Variants in PCDHGB7 observed in about 807,000 individuals in gnomAD.
The protein encoded by PCDHGB7 is protocadherin gamma subfamily B, 7.
PCDHGB7 carries 37 observed loss-of-function variants against 61.4 expected under a neutral mutation model. The ratio of observed to expected loss-of-function variants is 0.60; its 90% confidence interval spans 0.46 to 0.79. The LOEUF (loss-of-function observed/expected upper bound fraction) is 0.79, where lower values mean the gene tolerates loss of function less well. Among genes scored for constraint, PCDHGB7 ranks in the 30% least tolerant of loss-of-function variants. The pLI is 0.00. For synonymous variants in PCDHGB7, 464 were observed against 503.5 expected (o/e 0.92, Z 1.05); for missense variants, 1,166 against 1,202.5 (o/e 0.97, Z 0.45).
rs2096372901 is a variant in PCDHGB7, at chr5:141,419,386, G to A, written c.1527G>A (p.Ala509=). 1 of 1,613,650 alleles carries A rather than the reference G, an allele frequency of 6.2e-7. No individual in the cohort carries two copies. The highest frequency in any genetic ancestry group is 8.5e-7 in the Non-Finnish European group (1 of 1,179,898). ...RTLSSYVSVS[A]QSGVVFAQRA... Reference sequence around the variant, plus strand: ...TGTCGTCCTACGTGTCCGTGAGCGCGCAGAGCGGGGTGGTGTTCGCGCAGC... The same window carrying A: ...TGTCGTCCTACGTGTCCGTGAGCGCACAGAGCGGGGTGGTGTTCGCGCAGC... The change falls in exon 1 of 4, where the codon GCG becomes GCA. Residue 509 remains alanine, a synonymous_variant. Transcript: ENST00000398594.
At chr5:141,428,305 G>A (rs751498223) in intron 1 of PCDHGB7, 8 of 694,348 alleles carry the variant, frequency 1.2e-5, no homozygotes, top group African/African-American at 1.8e-5. Flanking sequence ...GATTTACCTG[G>A]TCGTGGCCTT....
chr5:141,432,281 A>C lies in PCDHGB7; in HGVS notation c.2415+12007A>C, dbSNP rs1313887209. 1 of 1,614,188 alleles carries C rather than the reference A, an allele frequency of 6.2e-7. No individual in the cohort carries two copies. The highest frequency in any genetic ancestry group is 1.1e-5 in the South Asian group (1 of 91,084). On this transcript the variant is annotated intron_variant, in intron 1 of 3. Coordinates refer to ENST00000398594, the MANE Select transcript of PCDHGB7 (RefSeq NM_018927.4). The surrounding 1 kb of genome is among the most constrained non-coding windows in gnomAD (Gnocchi z 6.0). The stretch of plus-strand genomic sequence containing the variant: ...AAGCCTATCGTCCTACGTGTCCATC[A>C]ACTCCGACACTGGGGTACTGTATGC...
At chr5:141,508,903 G>A (rs1410291297) in intron 3 of PCDHGB7, among the ~76,000 whole-genome samples, 1 of 152,086 alleles carries the variant, frequency 6.6e-6, no homozygotes, top group East Asian at 1.9e-4. Flanking sequence ...GGGCGGGGCG[G>A]TGGCGGATCT....
At chr5:141,459,885 C>A (rs1333668105) in intron 1 of PCDHGB7, among the ~76,000 whole-genome samples, 1 of 152,106 alleles carries the variant, frequency 6.6e-6, no homozygotes, top group East Asian at 1.9e-4. Flanking sequence ...CTGAGCTGAA[C>A]GCCTTCTTAA....
At chr5:141,422,465 G>A in intron 1 of PCDHGB7, 1 of 1,613,508 alleles carries the variant, frequency 6.2e-7, no homozygotes, top group Non-Finnish European at 8.5e-7. Flanking sequence ...GTGCTGGACA[G>A]GGAGTTGGTC....
intron 1 of PCDHGB7, chr5:141,427,830 C>T (rs749612858): frequency 7.8e-6 from 12 of 1,538,204 alleles, no homozygotes; most frequent in African/African-American, 1.4e-5. Flanking sequence ...GGTCGCGCAG[C>T]GTGCCTTCGA....
Position 141,490,325 on chromosome 5 carries a change from G to A in PCDHGB7, c.2416-4482G>A. 1 of 1,614,236 alleles carries A rather than the reference G, an allele frequency of 6.2e-7. No individual in the cohort carries two copies. Among genetic ancestry groups the A allele is most frequent in the Non-Finnish European group, 8.5e-7 (1 of 1,180,038 alleles). On this transcript the variant is annotated intron_variant, in intron 1 of 3. Transcript: ENST00000398594. This position sits in a 1 kb window ranked among gnomAD's most constrained non-coding sequence, Gnocchi z 5.4. ...TCTTTGGCCAACCCTGTCCTAGAGA[G>A]CACACCAGTGGGCACAGTAGTGGGG...
chr5:141,500,367 C>A (rs953610460), intron 2 of PCDHGB7, among the ~76,000 whole-genome samples: 7 of 151,940 alleles, frequency 4.6e-5, no homozygotes, highest in African/African-American at 1.7e-4. Context: ...CACTACCACG[C>A]CCGGCTAATT....
At chr5:141,423,169 C>G (rs747206648) in intron 1 of PCDHGB7, 2 of 1,613,460 alleles carry the variant, frequency 1.2e-6, no homozygotes, top group Admixed American at 3.3e-5. Context: ...GGTGGCCGTC[C>G]AGGACCACGG....
intron 1 of PCDHGB7, among the ~76,000 whole-genome samples, chr5:141,464,557 C>A (rs1342964264): frequency 6.6e-6 from 1 of 152,132 alleles, no homozygotes; most frequent in Non-Finnish European, 1.5e-5. Context: ...CCCCATCTTG[C>A]ATTCCTACAA....
At chr5:141,427,972 C>T (rs1368719718) in intron 1 of PCDHGB7, 1 of 1,593,948 alleles carries the variant, frequency 6.3e-7, no homozygotes, top group South Asian at 1.1e-5. Flanking sequence ...GTGCTGTACC[C>T]CGCGCTGGGG....
At chr5:141,421,305 G>A in intron 1 of PCDHGB7, 23 of 1,613,652 alleles carry the variant, frequency 1.4e-5, no homozygotes, top group Non-Finnish European at 1.9e-5. Context: ...CGCTGCGGGG[G>A]TTCCGGGCCA....
chr5:141,502,487 C>A (rs563658817), intron 2 of PCDHGB7, among the ~76,000 whole-genome samples: 1 of 152,182 alleles, frequency 6.6e-6, no homozygotes, highest in Non-Finnish European at 1.5e-5. Context: ...CACACTGGGA[C>A]TCATCTAACG....
intron 1 of PCDHGB7, among the ~76,000 whole-genome samples, chr5:141,438,619 TATATATATATATATATAC>T (rs1380852637): frequency 0.021 from 829 of 39,644 alleles, 15 homozygotes; most frequent in East Asian, 0.054. Context: ...TATATATATA[TATATATATATATATATAC>T]ACACACACAC....
At position 141,486,778 on chromosome 5, in the gene PCDHGB7, G is replaced by A. The variant is rs750169906; in HGVS notation, c.2416-8029G>A. The A allele has an allele frequency of 1.2e-6, 2 of 1,614,104 alleles. No individual in the cohort carries two copies. Among genetic ancestry groups the A allele is most frequent in the Admixed American group, 1.7e-5 (1 of 60,006 alleles). ...AAACCCAGACACTGCAGTTTGAGGT[G>A]CAGGCCCGGGATCGGGGCAACCCAC... is the stretch of plus-strand genomic sequence containing the variant. On this transcript the variant is annotated intron_variant, in intron 1 of 3. Coordinates refer to ENST00000398594, the MANE Select transcript of PCDHGB7 (RefSeq NM_018927.4). This position sits in a 1 kb window ranked among gnomAD's most constrained non-coding sequence, Gnocchi z 5.0.
intron 1 of PCDHGB7, among the ~76,000 whole-genome samples, chr5:141,463,861 A>G (rs1308802167): frequency 1.3e-5 from 2 of 152,340 alleles, no homozygotes; most frequent in East Asian, 1.9e-4. Context: ...ATCTGGTTTC[A>G]CATGACTGAA....
Position 141,420,103 on chromosome 5 carries a change from G to C in PCDHGB7, c.2244G>C (p.Leu748Phe), listed in dbSNP as rs754672450. The C allele has an allele frequency of 4.3e-6, 7 of 1,613,990 alleles. No homozygotes were observed. Among genetic ancestry groups the C allele is most frequent in the Non-Finnish European group, 2.5e-6 (3 of 1,179,852 alleles). ...CCCCCAACTACAGTGAGGGAACGTT[G>C]CCCTATGCCTATAATTTTTGTGTGC... The part of the protein sequence containing the change: ...VGPPNYSEGT[L>F]PYAYNFCVPG... The change falls in exon 1 of 4, where the codon TTG becomes TTC. Residue 748 changes from leucine (L) to phenylalanine (F), a missense_variant. Leu to Phe is a conservative substitution (Grantham distance 22). Transcript: ENST00000398594.
chr5:141,494,705 G>C, intron 1 of PCDHGB7, 102 bp from the exon 2 acceptor site: 1 of 1,597,990 alleles, frequency 6.3e-7, no homozygotes, highest in Non-Finnish European at 8.6e-7. Flanking sequence ...TTTCTTCTCT[G>C]TGCCCACTCC....
rs576464275 is a variant in PCDHGB7, at chr5:141,448,784, CA to C, written c.2415+28521del. ...TGAAACCCCGTCTGTACTAAAAATA[CA>C]AAAAAAAAAATTAGCCAGGCGTGAT... On this transcript the variant is annotated intron_variant, in intron 1 of 3. Coordinates refer to ENST00000398594, the MANE Select transcript of PCDHGB7 (RefSeq NM_018927.4). Among the ~76,000 whole-genome samples, 323 of 145,522 alleles carry C rather than the reference CA, an allele frequency of 2.2e-3. 2 individuals are homozygous for C. The highest frequency in any genetic ancestry group is 5.9e-3 in the African/African-American group (238 of 40,012).
Sources: gnomAD v4.1 joint callset for allele counts (sites outside exome capture counted in the v4.1 genomes callset) on GRCh38, gnomAD v4.1.1 for gene constraint, Gnocchi (gnomAD v3.1) non-coding constraint, MANE v1.5 for transcripts, NCBI Gene and HGNC (gene_info 2026-07-23, HGNC 2026-07-21) for gene names.